SLC24A4: variants seen among roughly 807,000 people sequenced by gnomAD.
The protein encoded by SLC24A4 is sodium/potassium/calcium exchanger 4.
In SLC24A4, 53 loss-of-function variants were observed where a neutral mutation model predicts 79.0. The ratio of observed to expected loss-of-function variants is 0.67; its 90% confidence interval spans 0.54 to 0.84. The LOEUF (loss-of-function observed/expected upper bound fraction) is 0.84. Ranked by LOEUF, SLC24A4 falls within the 40% of genes least tolerant of loss-of-function variation. The pLI, the probability that SLC24A4 is intolerant of heterozygous loss-of-function variation, is 0.00. For missense variants in SLC24A4, 731 were observed against 822.0 expected, an observed-to-expected ratio of 0.89 and a Z score of 1.35; for synonymous variants, 323 against 323.8, an observed-to-expected ratio of 1.00 and a Z score of 0.03.
At chr14:92,440,535 T>C (rs1217345350) in intron 4 of SLC24A4, among the ~76,000 whole-genome samples, 2 of 151,924 alleles carry the variant, frequency 1.3e-5, no homozygotes, top group African/African-American at 4.8e-5. Flanking sequence ...GCTGAGAGCT[T>C]GGGGAGGCCA....
intron 2 of SLC24A4, among the ~76,000 whole-genome samples, chr14:92,364,427 C>T (rs1312339632): frequency 6.6e-6 from 1 of 152,108 alleles, no homozygotes; most frequent in Non-Finnish European, 1.5e-5. Context: ...TCCTTGAGGG[C>T]CATGAAAAGG....
rs903434320 is a variant in SLC24A4, at chr14:92,325,746, A to C, written c.131-122A>C. 6.4e-6 allele frequency: 4 copies of C among 621,786 alleles called. No homozygotes were observed. The East Asian group carries it at 1.1e-4, about 17-fold the overall frequency. 38.5% of individuals were successfully genotyped at this position (621,786 alleles called of 1,614,324 possible). On this transcript the variant is annotated intron_variant, in intron 1 of 16. Coordinates refer to ENST00000532405, the MANE Select transcript of SLC24A4 (RefSeq NM_153646.4). ...ACTTCCAATCATCCTATCAGTCCCT[A>C]AAGATGGCTCTGAATAGGCAAACAG... is the stretch of plus-strand genomic sequence containing the variant.
At chr14:92,422,151 C>G (rs1468626902) in intron 2 of SLC24A4, among the ~76,000 whole-genome samples, 1 of 152,216 alleles carries the variant, frequency 6.6e-6, no homozygotes, top group Admixed American at 6.5e-5. Context: ...GTCTTGTTCA[C>G]AGATGTATTT....
chr14:92,490,512 C>T lies in SLC24A4; in HGVS notation c.1538-1153C>T, dbSNP rs531804743. On this transcript the variant is annotated intron_variant, in intron 14 of 16. Transcript: ENST00000532405. This position sits in a 1 kb window ranked among gnomAD's most constrained non-coding sequence, Gnocchi z 4.3. ...TCAGAAACTACCAGAGCATACAATCCGATATCCTGTGATTCCCAGGCAGGG... is the reference window on the plus strand; with the variant it reads ...TCAGAAACTACCAGAGCATACAATCTGATATCCTGTGATTCCCAGGCAGGG... Among the ~76,000 whole-genome samples the T allele has an allele frequency of 4.6e-5, 7 of 152,178 alleles. No individual in the cohort carries two copies. The highest frequency in any genetic ancestry group is 1.9e-4 in the East Asian group (1 of 5,186).
chr14:92,487,507 C>T (rs1895436332), intron 14 of SLC24A4, among the ~76,000 whole-genome samples: 1 of 152,112 alleles, frequency 6.6e-6, no homozygotes, highest in African/African-American at 2.4e-5. Flanking sequence ...ACGTGTTATT[C>T]CTCCAAGATA....
At chr14:92,417,497 GTTA>G in intron 2 of SLC24A4, among the ~76,000 whole-genome samples, 1 of 152,094 alleles carries the variant, frequency 6.6e-6, no homozygotes, top group East Asian at 1.9e-4. Flanking sequence ...GTAAGCGAAG[GTTA>G]TTATTGATGA....
intron 9 of SLC24A4, among the ~76,000 whole-genome samples, chr14:92,448,243 G>A (rs936496946): frequency 1.3e-5 from 2 of 152,110 alleles, no homozygotes; most frequent in Non-Finnish European, 2.9e-5. Flanking sequence ...GCTGATGGTT[G>A]TAGAACAATG....
intron 13 of SLC24A4, 141 bp downstream of exon 13, chr14:92,482,987 A>G: frequency 1.2e-6 from 1 of 807,780 alleles, no homozygotes; most frequent in East Asian, 2.8e-5. Context: ...TTCTCAGTAG[A>G]AAAGGGTTTG....
At chr14:92,400,318 A>G (rs1310597619) in intron 2 of SLC24A4, among the ~76,000 whole-genome samples, 1 of 151,806 alleles carries the variant, frequency 6.6e-6, no homozygotes, top group Admixed American at 6.6e-5. Flanking sequence ...ATGCGCCTGT[A>G]GTCCCAGCTA....
Position 92,362,832 on chromosome 14 carries a change from C to T in SLC24A4, c.241+36854C>T, listed in dbSNP as rs146883582. Among the ~76,000 whole-genome samples, 494 of 152,324 alleles carry T rather than the reference C, an allele frequency of 3.2e-3. 4 individuals are homozygous for T. Among genetic ancestry groups the T allele is most frequent in the African/African-American group, 0.011 (458 of 41,580 alleles). On this transcript the variant is annotated intron_variant, in intron 2 of 16. Coordinates refer to ENST00000532405, the MANE Select transcript of SLC24A4 (RefSeq NM_153646.4). ...CTCAAAAAGTTTTGCAGAATGAATG[C>T]GCAGAGAGAGGCGGCAGCTCCGGGC...
In SLC24A4 at chr14:92,495,255, G is replaced by C. The variant is rs1895884576; in HGVS notation, c.*1627G>C. The C allele has an allele frequency of 6.6e-6, 1 of 152,312 alleles. No individual in the cohort carries two copies. The highest frequency in any genetic ancestry group is 1.5e-5 in the Non-Finnish European group (1 of 68,060). The allele number at this position is 152,312 out of a possible 1,614,324, so 9.4% of individuals were successfully genotyped here. On this transcript the variant is annotated 3_prime_UTR_variant, in exon 17 of 17. Transcript: ENST00000532405. ...CTCCTGAGTTTCAAAAGGAGGAAGT[G>C]TTCGTGCTTGTGTCCCTGAAGTTCC...
At chr14:92,343,640 CTCTCTTTCCT>C (rs1886323099) in intron 2 of SLC24A4, among the ~76,000 whole-genome samples, 32 of 95,164 alleles carry the variant, frequency 3.4e-4, no homozygotes, top group African/African-American at 1.1e-3. Flanking sequence ...TTCTTTCTTT[CTCTCTTTCCT>C]TCTTTCCTTC....
At chr14:92,492,882 G>A (rs1895765280) in intron 16 of SLC24A4, 2 of 455,356 alleles carry the variant, frequency 4.4e-6, no homozygotes, top group Non-Finnish European at 8.8e-6. Context: ...GAGGGACAAG[G>A]AGGAAGGCAG....
rs529277714 is a variant in SLC24A4 at position 92,460,696 on chromosome 14, G to T, written c.1255+4088G>T. Among the ~76,000 whole-genome samples, 2 of 152,284 alleles carry T rather than the reference G, an allele frequency of 1.3e-5. 1 individual carries two copies. Among genetic ancestry groups the T allele is most frequent in the Middle Eastern group, 6.8e-3 (2 of 294 alleles). On this transcript the variant is annotated intron_variant, in intron 12 of 16. Transcript: ENST00000532405. ...TGGTCCCTGCCCTCTGGGAGCTTCT[G>T]GGCTTGCAGAGCAAATCTGAGCAGA...
intron 2 of SLC24A4, among the ~76,000 whole-genome samples, chr14:92,381,491 A>G (rs1888847244): frequency 6.6e-6 from 1 of 152,146 alleles, no homozygotes; most frequent in African/African-American, 2.4e-5. Flanking sequence ...GCGGGGCTTA[A>G]AGCCTAGATG....
intron 2 of SLC24A4, among the ~76,000 whole-genome samples, chr14:92,426,983 C>T (rs1291871324): frequency 6.6e-6 from 1 of 152,168 alleles, no homozygotes; most frequent in Non-Finnish European, 1.5e-5. Flanking sequence ...TGTTTTGAGG[C>T]AGTTTTTCTT....
At chr14:92,459,665 A>G (rs551274536) in intron 12 of SLC24A4, among the ~76,000 whole-genome samples, 2 of 151,934 alleles carry the variant, frequency 1.3e-5, no homozygotes, top group Non-Finnish European at 2.9e-5. Context: ...GTCCCTGGAA[A>G]CCACGAATGG....
intron 2 of SLC24A4, among the ~76,000 whole-genome samples, chr14:92,388,531 A>C (rs935553087): frequency 2.0e-5 from 3 of 152,192 alleles, no homozygotes; most frequent in African/African-American, 7.2e-5. Flanking sequence ...GTCTGGACTT[A>C]GCTGCCCACG....
intron 2 of SLC24A4, among the ~76,000 whole-genome samples, chr14:92,375,158 T>G (rs1000308458): frequency 3.9e-5 from 6 of 152,370 alleles, no homozygotes; most frequent in Non-Finnish European, 8.8e-5. Context: ...TGAAGTATAG[T>G]TCAACCCTTT....
Sources: allele counts gnomAD v4.1 joint callset (sites outside exome capture counted in the v4.1 genomes callset), GRCh38; gene constraint gnomAD v4.1.1; non-coding constraint Gnocchi (gnomAD v3.1); transcripts MANE v1.5; gene names NCBI Gene and HGNC (gene_info 2026-07-23, HGNC 2026-07-21).